The following TYW1B variants were observed in gnomAD, a reference collection of about 807,000 sequenced individuals.
TYW1B encodes the protein S-adenosyl-L-methionine-dependent tRNA 4-demethylwyosine synthase TYW1B.
TYW1B carries 73 observed loss-of-function variants against 86.9 expected under a neutral mutation model. That is an observed-to-expected ratio of 0.84 (90% CI 0.70 to 1.02). The LOEUF is 1.02. Ranked by LOEUF, TYW1B falls within the 50% of genes least tolerant of loss-of-function variation. TYW1B has a pLI of 0.00. For synonymous variants in TYW1B, 248 were observed against 292.8 expected, an observed-to-expected ratio of 0.85 and a Z score of 1.56; for missense variants, 637 against 827.4, an observed-to-expected ratio of 0.77 and a Z score of 2.82.
chr7:72,751,622 T>C (rs1437332806), intron 7 of TYW1B, among the ~76,000 whole-genome samples: 1 of 152,198 alleles, frequency 6.6e-6, no homozygotes, highest in East Asian at 1.9e-4. Flanking sequence ...AATTCCATCA[T>C]TTGATTTATC....
chr7:72,709,813 C>T (rs1212131777), intron 10 of TYW1B, among the ~76,000 whole-genome samples: 1 of 152,138 alleles, frequency 6.6e-6, no homozygotes, highest in African/African-American at 2.4e-5. Context: ...CCTATTAGCC[C>T]AATCCTGCCA....
At chr7:72,677,002 T>G (rs1813751320) in intron 11 of TYW1B, among the ~76,000 whole-genome samples, 1 of 152,110 alleles carries the variant, frequency 6.6e-6, no homozygotes, top group African/African-American at 2.4e-5. Context: ...AACATCATAT[T>G]CAAAAAGAAA....
At position 72,694,779 on chromosome 7, in the gene TYW1B, T is replaced by C. The variant is rs1222610881; in HGVS notation, c.1414A>G (p.Ser472Gly). Residue 472 changes from serine (S) to glycine (G), a missense_variant, in exon 11 of 14, where the codon AGT (serine) becomes GGT (glycine). Physicochemically the swap from Ser to Gly is moderately conservative, Grantham distance 56. Coordinates refer to ENST00000620995, the MANE Select transcript of TYW1B (RefSeq NM_001145440.3). Reference sequence around the variant, plus strand: ...ATTTTCTTCAGGCTGTCTTTGGTACTGGCATCCACACTGACATACAGCTGA... The same window carrying C: ...ATTTTCTTCAGGCTGTCTTTGGTACCGGCATCCACACTGACATACAGCTGA... Reference protein sequence around the residue: ...VTQLYVSVDASTKDSLKKIDR... With the variant: ...VTQLYVSVDAGTKDSLKKIDR... The C allele has an allele frequency of 1.2e-6, 2 of 1,612,748 alleles. No individual in the cohort carries two copies. The highest frequency in any genetic ancestry group is 4.5e-5 in the East Asian group (2 of 44,880).
rs565768609 is a variant in TYW1B at position 72,811,676 on chromosome 7, C to T, written c.238-1011G>A. On this transcript the variant is annotated intron_variant, in intron 3 of 13. Coordinates refer to ENST00000620995, the MANE Select transcript of TYW1B (RefSeq NM_001145440.3). ...CCTGTAATCCCAGGACTTTGGGAGGCTGAGGCGGGTGGATCACTTGAGGTC... is the reference window on the plus strand; with the variant it reads ...CCTGTAATCCCAGGACTTTGGGAGGTTGAGGCGGGTGGATCACTTGAGGTC... Among the ~76,000 whole-genome samples the T allele has an allele frequency of 1.6e-3, 238 of 151,634 alleles. 1 individual carries two copies. Among genetic ancestry groups the T allele is most frequent in the Non-Finnish European group, 2.9e-3 (198 of 67,738 alleles).
At chr7:72,720,463 C>T (rs1236839550) in intron 9 of TYW1B, among the ~76,000 whole-genome samples, 2 of 151,790 alleles carry the variant, frequency 1.3e-5, no homozygotes, top group African/African-American at 4.9e-5. Context: ...TAGACAATCA[C>T]AAAAACAAAC....
intron 9 of TYW1B, among the ~76,000 whole-genome samples, chr7:72,725,206 T>G (rs1386649125): frequency 2.0e-5 from 3 of 152,112 alleles, no homozygotes; most frequent in African/African-American, 4.8e-5. Flanking sequence ...TAAAGTGCAT[T>G]TGCAAAAACG....
chr7:72,811,560 CA>C (rs1788619787), intron 3 of TYW1B, among the ~76,000 whole-genome samples: 1 of 151,808 alleles, frequency 6.6e-6, no homozygotes, highest in African/African-American at 2.4e-5. Flanking sequence ...ATAGGGGAAC[CA>C]TGTTCTCGGT....
intron 6 of TYW1B, among the ~76,000 whole-genome samples, chr7:72,778,957 A>G (rs1554471149): frequency 6.6e-6 from 1 of 151,904 alleles, no homozygotes. Context: ...ATTTGTGTAT[A>G]TTTTTAAGGA....
At chr7:72,785,710 T>G (rs1788117292) in intron 6 of TYW1B, among the ~76,000 whole-genome samples, 1 of 152,142 alleles carries the variant, frequency 6.6e-6, no homozygotes, top group African/African-American at 2.4e-5. Flanking sequence ...TCTTAAGCAC[T>G]GGCACATACT....
intron 11 of TYW1B, among the ~76,000 whole-genome samples, chr7:72,691,437 CTAACTT>C (rs1554450311): frequency 6.6e-6 from 1 of 152,162 alleles, no homozygotes; most frequent in African/African-American, 2.4e-5. Context: ...AAATTATTTT[CTAACTT>C]TAAGTTACTG....
At chr7:72,665,112 C>T (rs1554445048) in intron 11 of TYW1B, among the ~76,000 whole-genome samples, 2 of 152,140 alleles carry the variant, frequency 1.3e-5, no homozygotes, top group African/African-American at 4.8e-5. Context: ...AACCTATTTC[C>T]CAGTCTCCCT....
chr7:72,575,799 C>T (rs1811009323), intron 13 of TYW1B, 80 bp from the exon 14 acceptor site: 6 of 1,560,162 alleles, frequency 3.8e-6, no homozygotes, highest in Non-Finnish European at 5.2e-6. Flanking sequence ...AAATCATGAA[C>T]AAGTCTGATC....
chr7:72,822,182 A>AAAG (rs1373159483), intron 2 of TYW1B, among the ~76,000 whole-genome samples: 6 of 149,604 alleles, frequency 4.0e-5, no homozygotes, highest in South Asian at 2.1e-4. Context: ...AAAAAAAAAA[A>AAAG]AAGAAGAAGA....
intron 13 of TYW1B, among the ~76,000 whole-genome samples, chr7:72,614,175 T>TA (rs1420111175): frequency 6.6e-6 from 1 of 152,038 alleles, no homozygotes; most frequent in Non-Finnish European, 1.5e-5. Flanking sequence ...AAATTTGAAA[T>TA]AATTTCCAAA....
intron 11 of TYW1B, among the ~76,000 whole-genome samples, chr7:72,675,568 T>C (rs1449822052): frequency 3.5e-5 from 5 of 144,888 alleles, no homozygotes; most frequent in African/African-American, 1.3e-4. Context: ...CACACATATA[T>C]ATATACACAC....
intron 10 of TYW1B, among the ~76,000 whole-genome samples, chr7:72,713,302 A>G (rs1554455180): frequency 3.5e-4 from 3 of 8,564 alleles, no homozygotes; most frequent in Non-Finnish European, 8.6e-4. Flanking sequence ...CTCCAACTCA[A>G]AAAAAAAAAA....
At position 72,625,331 on chromosome 7, in the gene TYW1B, T is replaced by C. The variant is rs558843308; in HGVS notation, c.1617+3556A>G. On this transcript the variant is annotated intron_variant, in intron 12 of 13. Coordinates refer to ENST00000620995, the MANE Select transcript of TYW1B (RefSeq NM_001145440.3). ...GAAAACTCTGTTGTTAATAGCATCT[T>C]AGCTAGGCCAGGTGCAGTGGCTCAC... 1.7e-4 allele frequency among the ~76,000 whole-genome samples: 26 copies of C among 152,174 alleles called. No homozygotes were observed. In the East Asian group the frequency reaches 2.1e-3, roughly 12 times the overall value.
rs1233863909 is a variant in TYW1B at position 72,656,569 on chromosome 7, G to GC, written c.1507-27573dup. On this transcript the variant is annotated intron_variant, in intron 11 of 13. Coordinates refer to ENST00000620995, the MANE Select transcript of TYW1B (RefSeq NM_001145440.3). ...TTTGCAGTGAGCTGAGATCGAGATC[G>GC]CGCCACTGCACTCCAGCCTGGGTGA... 2.6e-5 allele frequency among the ~76,000 whole-genome samples: 4 copies of GC among 151,792 alleles called. No individual in the cohort carries two copies. The East Asian group carries it at 7.7e-4, about 29-fold the overall frequency.
intron 13 of TYW1B, among the ~76,000 whole-genome samples, chr7:72,582,504 C>T (rs1318223279): frequency 6.6e-6 from 1 of 152,152 alleles, no homozygotes; most frequent in African/African-American, 2.4e-5. Flanking sequence ...CACGTTTGGA[C>T]ATTAAAGGTC....
Sources: allele counts gnomAD v4.1 joint callset (sites outside exome capture counted in the v4.1 genomes callset), GRCh38; gene constraint gnomAD v4.1.1; transcripts MANE v1.5; gene names NCBI Gene and HGNC (gene_info 2026-07-23, HGNC 2026-07-21).